Variants in GIGYF2 observed in about 807,000 individuals in gnomAD.
The protein encoded by GIGYF2 is GRB10 interacting GYF protein 2.
GIGYF2 carries 25 observed loss-of-function variants against 208.1 expected under a neutral mutation model. The observed-to-expected ratio is 0.12, with a 90% confidence interval of 0.09 to 0.17. The LOEUF is 0.17. Among genes scored for constraint, GIGYF2 ranks in the 10% least tolerant of loss-of-function variants. The pLI is 1.00. For synonymous variants in GIGYF2, 534 were observed against 543.8 expected, an observed-to-expected ratio of 0.98 and a Z score of 0.25; for missense variants, 1,302 against 1,579.4, an observed-to-expected ratio of 0.82 and a Z score of 2.98.
At chr2:232,830,722 T>C (rs1701402652) in intron 21 of GIGYF2, among the ~76,000 whole-genome samples, 1 of 152,104 alleles carries the variant, frequency 6.6e-6, no homozygotes, top group Middle Eastern at 3.2e-3. Context: ...TGGCTAACAC[T>C]TGTAATCCCC....
intron 1 of GIGYF2, among the ~76,000 whole-genome samples, chr2:232,698,714 G>A (rs143446066): frequency 6.6e-6 from 1 of 152,290 alleles, no homozygotes; most frequent in East Asian, 1.9e-4. Flanking sequence ...CACTAGAAAA[G>A]TATTTAAAAG....
chr2:232,760,307 A>G, intron 6 of GIGYF2, 173 bp from the exon 7 acceptor site: 3 of 607,390 alleles, frequency 4.9e-6, no homozygotes, highest in Non-Finnish European at 8.9e-6. Context: ...TGGTCCAGCT[A>G]CTTCAATGCC....
rs1420235695 is a variant in GIGYF2, at chr2:232,847,415, C to T, written c.3528C>T (p.Ala1176=). The change falls in exon 27 of 29, where the codon GCC becomes GCT. Residue 1176 remains alanine, a synonymous_variant. Coordinates refer to ENST00000373563, the MANE Select transcript of GIGYF2 (RefSeq NM_001103146.3). ...SPYEVHDYIR[A]YLGDTSEAKE... ...ATGAGGTCCATGATTATATCAGGGC[C>T]TATTTAGGAGATACTTCTGAGGCCA... The T allele has an allele frequency of 1.2e-6, 2 of 1,613,602 alleles. No homozygotes were observed. The highest frequency in any genetic ancestry group is 2.7e-5 in the African/African-American group (2 of 74,834).
At chr2:232,768,607 CCA>C in intron 8 of GIGYF2, 1 of 1,614,092 alleles carries the variant, frequency 6.2e-7, no homozygotes, top group Non-Finnish European at 8.5e-7. Context: ...AGGTGGAAAT[CCA>C]CACTGGTCTG....
chr2:232,703,653 A>T (rs1001177263), intron 2 of GIGYF2, among the ~76,000 whole-genome samples, 164 bp downstream of exon 2: 2 of 152,212 alleles, frequency 1.3e-5, no homozygotes, highest in African/African-American at 2.4e-5. Flanking sequence ...CAGTAAGAGT[A>T]ACATACCCTT....
intron 28 of GIGYF2, among the ~76,000 whole-genome samples, chr2:232,852,406 G>C (rs1409162921): frequency 6.6e-6 from 1 of 152,114 alleles, no homozygotes; most frequent in Admixed American, 6.5e-5. Flanking sequence ...TTAGCTGGGC[G>C]TGGTGGTGGG....
intron 5 of GIGYF2, among the ~76,000 whole-genome samples, chr2:232,753,872 A>G (rs1698426832): frequency 6.6e-6 from 1 of 152,140 alleles, no homozygotes. Context: ...TCTGCCTAAG[A>G]AATAGATTTG....
chr2:232,851,741 G>A (rs968239789), intron 28 of GIGYF2, among the ~76,000 whole-genome samples: 5 of 152,130 alleles, frequency 3.3e-5, no homozygotes, highest in African/African-American at 1.2e-4. Context: ...TTCTATTTGT[G>A]AATGTAAAAT....
chr2:232,817,637 G>T (rs1421199995), intron 20 of GIGYF2, among the ~76,000 whole-genome samples: 1 of 152,286 alleles, frequency 6.6e-6, no homozygotes, highest in African/African-American at 2.4e-5. Flanking sequence ...GAATTATACA[G>T]TATTTGTCTT....
In GIGYF2 at chr2:232,844,392, T is replaced by C; in HGVS notation, c.3123T>C (p.Ile1041=). 6.2e-7 allele frequency: 1 copy of C among 1,613,762 alleles called. No homozygotes were observed. The highest frequency in any genetic ancestry group is 8.5e-7 in the Non-Finnish European group (1 of 1,179,640). ...NNTHSNLHTS[I]GNSVWGSINT... ...AGCATTCCAACCTGCACACCAGCAT[T>C]GGGAATTCTGTTTGGGGCTCTATAA... The change falls in exon 25 of 29, where the codon ATT becomes ATC. Residue 1041 remains isoleucine, a synonymous_variant. Transcript: ENST00000373563.
At chr2:232,826,344 C>T (rs1168588153) in intron 21 of GIGYF2, among the ~76,000 whole-genome samples, 1 of 152,226 alleles carries the variant, frequency 6.6e-6, no homozygotes, top group East Asian at 1.9e-4. Context: ...TCCTATTTCT[C>T]CACATCCTCT....
At position 232,858,723 on chromosome 2, in the gene GIGYF2, A is replaced by G. The variant is rs973464908; in HGVS notation, c.*1863A>G. 6 of 356,102 alleles carry G rather than the reference A, an allele frequency of 1.7e-5. No individual in the cohort carries two copies. The highest frequency in any genetic ancestry group is 3.3e-5 in the Non-Finnish European group (6 of 182,844). 22.1% of individuals were successfully genotyped at this position (356,102 alleles called of 1,614,324 possible). ...TGGAAAAGCTCCAAGCACCCAAGACATGGAGGCAGCCATGGCTTCTTTCTC... is the reference window on the plus strand; with the variant it reads ...TGGAAAAGCTCCAAGCACCCAAGACGTGGAGGCAGCCATGGCTTCTTTCTC... On this transcript the variant is annotated 3_prime_UTR_variant, in exon 29 of 29. Coordinates refer to ENST00000373563, the MANE Select transcript of GIGYF2 (RefSeq NM_001103146.3).
intron 22 of GIGYF2, among the ~76,000 whole-genome samples, chr2:232,836,263 C>CTCTCTCTCTCTCTCTCTCTCTCTCT (rs1701588243): frequency 5.2e-5 from 2 of 38,632 alleles, no homozygotes; most frequent in African/African-American, 2.0e-4. Context: ...CCCATCTCTA[C>CTCTCTCTCTCTCTCTCTCTCTCTCT]ATATATATAT....
At chr2:232,768,466 A>G (rs768232798) in intron 8 of GIGYF2, 2 of 1,614,220 alleles carry the variant, frequency 1.2e-6, no homozygotes, top group South Asian at 1.1e-5. Context: ...GCTGAAAGGA[A>G]TACAACTAAT....
At chr2:232,706,011 T>C (rs986818721) in intron 2 of GIGYF2, 3 of 152,244 alleles carry the variant, frequency 2.0e-5, no homozygotes, top group African/African-American at 7.2e-5. Flanking sequence ...AGCCCGTTTA[T>C]TATTGTTTGT....
chr2:232,809,850 A>G, intron 16 of GIGYF2, 39 bp downstream of exon 16: 3 of 1,104,928 alleles, frequency 2.7e-6, no homozygotes, highest in Non-Finnish European at 4.2e-6. Flanking sequence ...TGCAGCATGA[A>G]AAAGGACTTT....
At chr2:232,775,526 A>G (rs1699476724) in intron 8 of GIGYF2, among the ~76,000 whole-genome samples, 1 of 152,176 alleles carries the variant, frequency 6.6e-6, no homozygotes, top group Admixed American at 6.6e-5. Context: ...TTTAAGTCTC[A>G]TCAGCTGATC....
rs544335183 is a variant in GIGYF2 at position 232,845,894 on chromosome 2, T to C, written c.3460+8T>C. 61 of 1,569,680 alleles carry C rather than the reference T, an allele frequency of 3.9e-5. No individual in the cohort carries two copies. In the Middle Eastern group the frequency reaches 6.7e-4, roughly 17 times the overall value. On this transcript the variant is annotated splice_region_variant and intron_variant, in intron 26 of 28. Transcript: ENST00000373563. ...CGGCAAATAACTTGGATGGTAAGAA[T>C]TGGGGAGGGAAACCCGGCATGTGGA...
At chr2:232,768,452 C>T (rs1165633120) in intron 8 of GIGYF2, 1 of 1,614,206 alleles carries the variant, frequency 6.2e-7, no homozygotes, top group Non-Finnish European at 8.5e-7. Context: ...TGCCCTCCTG[C>T]ATTGCTGAAA....
Sources: allele counts gnomAD v4.1 joint callset (sites outside exome capture counted in the v4.1 genomes callset), GRCh38; gene constraint gnomAD v4.1.1; transcripts MANE v1.5; gene names NCBI Gene and HGNC (gene_info 2026-07-23, HGNC 2026-07-21).